SEC23A: variants seen among roughly 807,000 people sequenced by gnomAD.
SEC23A encodes protein transport protein Sec23A.
A neutral mutation model predicts 103.7 loss-of-function variants in SEC23A; 56 were observed. The observed-to-expected ratio is 0.54, with a 90% confidence interval of 0.44 to 0.67. The LOEUF (loss-of-function observed/expected upper bound fraction) is 0.67, where lower values mean the gene tolerates loss of function less well. Ranked by LOEUF, SEC23A falls within the 30% of genes least tolerant of loss-of-function variation. SEC23A has a pLI of 0.00. For missense variants in SEC23A, 784 were observed against 936.4 expected, an observed-to-expected ratio of 0.84 and a Z score of 2.12; for synonymous variants, 281 against 293.0, an observed-to-expected ratio of 0.96 and a Z score of 0.42.
At chr14:39,044,211 C>T (rs945560245) in intron 16 of SEC23A, among the ~76,000 whole-genome samples, 18 of 152,116 alleles carry the variant, frequency 1.2e-4, no homozygotes, top group Non-Finnish European at 2.6e-4. Context: ...TAGGAGCAGG[C>T]ACTAGGGACA....
At chr14:39,036,320 C>CAAAAAAAAA (rs59018206) in intron 19 of SEC23A, among the ~76,000 whole-genome samples, 1 of 69,910 alleles carries the variant, frequency 1.4e-5, no homozygotes, top group Non-Finnish European at 2.6e-5. Flanking sequence ...GACTCCGTCT[C>CAAAAAAAAA]AAAAAAAAAA....
chr14:39,049,018 T>C (rs1885946733), intron 14 of SEC23A, among the ~76,000 whole-genome samples: 1 of 151,920 alleles, frequency 6.6e-6, no homozygotes, highest in South Asian at 2.1e-4. Context: ...AGCTCTTAGA[T>C]AACAACAAAA....
intron 15 of SEC23A, among the ~76,000 whole-genome samples, chr14:39,047,052 T>C (rs920325525): frequency 1.3e-5 from 2 of 152,230 alleles, no homozygotes; most frequent in African/African-American, 2.4e-5. Context: ...AAATGACCAA[T>C]TGGTAAATGT....
chr14:39,076,054 T>C lies in SEC23A; in HGVS notation c.868A>G (p.Ile290Val), dbSNP rs1315632771. The C allele has an allele frequency of 3.7e-6, 6 of 1,613,418 alleles. No homozygotes were observed. Among genetic ancestry groups the C allele is most frequent in the Non-Finnish European group, 4.2e-6 (5 of 1,179,784 alleles). Residue 290 changes from isoleucine (I) to valine (V), a missense_variant, in exon 8 of 20, where the codon ATT becomes GTT. This residue lies in a region of SEC23A where 683 missense variants were observed against 774.2 expected (regional missense o/e 0.88). Transcript: ENST00000307712. ...PNTGARIMMF[I>V]GGPATQGPGM... ...GGCCCCTGAGTAGCAGGACCACCAA[T>C]GAACATCATGATACGAGCACCAGTG... is the stretch of plus-strand genomic sequence containing the variant.
At chr14:39,074,064 T>C (rs1886929807) in intron 9 of SEC23A, among the ~76,000 whole-genome samples, 1 of 152,220 alleles carries the variant, frequency 6.6e-6, no homozygotes, top group Non-Finnish European at 1.5e-5. Flanking sequence ...ATTACGGTGA[T>C]GGCTGTGCAT....
At chr14:39,063,671 A>T (rs1566494299) in intron 11 of SEC23A, among the ~76,000 whole-genome samples, 1 of 152,228 alleles carries the variant, frequency 6.6e-6, no homozygotes, top group Non-Finnish European at 1.5e-5. Context: ...AAAAGTATTA[A>T]TATAAGTTCT....
Position 39,085,919 on chromosome 14 carries a change from AT to A in SEC23A, c.684-14del. On this transcript the variant is annotated splice_polypyrimidine_tract_variant and intron_variant, in intron 6 of 19. Transcript: ENST00000307712. ...TGGTTGTAAGAATCTAAGAAACAGA[AT>A]TAAATAAAAAGCCATTTGTAAATGT... The A allele has an allele frequency of 3.1e-6, 5 of 1,610,032 alleles. No homozygotes were observed. Among genetic ancestry groups the A allele is most frequent in the Middle Eastern group, 3.3e-4 (2 of 6,038 alleles).
intron 10 of SEC23A, 66 bp from the exon 11 acceptor site, chr14:39,065,059 G>A (rs1886612275): frequency 1.0e-6 from 1 of 985,198 alleles, no homozygotes. Flanking sequence ...AACTACAGGT[G>A]TATAAGAATA....
At chr14:39,080,477 G>A (rs547609759) in intron 7 of SEC23A, among the ~76,000 whole-genome samples, 1 of 152,242 alleles carries the variant, frequency 6.6e-6, no homozygotes, top group Non-Finnish European at 1.5e-5. Flanking sequence ...CATGATCTCG[G>A]CTCACTGCAA....
chr14:39,094,387 C>G (rs867010360), intron 2 of SEC23A, among the ~76,000 whole-genome samples: 1 of 53,262 alleles, frequency 1.9e-5, no homozygotes, highest in Non-Finnish European at 3.7e-5. Context: ...CACACACACA[C>G]ACACACACAC....
chr14:39,099,724 A>G (rs1232638492), intron 1 of SEC23A, among the ~76,000 whole-genome samples: 1 of 152,224 alleles, frequency 6.6e-6, no homozygotes, highest in Non-Finnish European at 1.5e-5. Context: ...ACAAAGTACA[A>G]AAAGGTCACT....
chr14:39,033,254 C>G lies in SEC23A; in HGVS notation c.2283G>C (p.Val761=). 6.2e-7 allele frequency: 1 copy of G among 1,611,080 alleles called. No individual in the cohort carries two copies. The highest frequency in any genetic ancestry group is 8.5e-7 in the Non-Finnish European group (1 of 1,177,270). Residue 761 remains valine (V), a synonymous_variant, in exon 20 of 20, where the codon GTG becomes GTC. Coordinates refer to ENST00000307712, the MANE Select transcript of SEC23A (RefSeq NM_006364.4). ...VFMDHLKKLA[V]SSAA ...TATTAGCACTTCAAGCAGCACTGGA[C>G]ACAGCAAGTTTCTTCAAGTGATCCA...
intron 12 of SEC23A, among the ~76,000 whole-genome samples, chr14:39,062,130 G>A (rs1327437195): frequency 6.6e-6 from 1 of 152,038 alleles, no homozygotes; most frequent in African/African-American, 2.4e-5. Flanking sequence ...AAGCCAGAGG[G>A]ACATGAAAGA....
chr14:39,041,971 G>C (rs8003707), intron 17 of SEC23A, among the ~76,000 whole-genome samples: 9,946 of 151,182 alleles, frequency 0.066, 1,076 homozygotes, highest in African/African-American at 0.23. Flanking sequence ...TTTTTTTGTA[G>C]AGACAGGGTC....
intron 13 of SEC23A, among the ~76,000 whole-genome samples, chr14:39,060,414 G>T (rs535546639): frequency 6.6e-6 from 1 of 152,064 alleles, no homozygotes; most frequent in Non-Finnish European, 1.5e-5. Flanking sequence ...AGATTTTCAG[G>T]AATGAAGCTA....
chr14:39,070,139 C>T (rs780880957), intron 9 of SEC23A, among the ~76,000 whole-genome samples: 1 of 152,108 alleles, frequency 6.6e-6, no homozygotes, highest in African/African-American at 2.4e-5. Flanking sequence ...ACGGAAGAGC[C>T]CTGCGCTAGA....
rs1423823811 is a variant in SEC23A, at chr14:39,085,801, G to A, written c.789C>T (p.Ser263=). ...PVPQGKRPLR[S]SGVALSIAVG... is the part of the protein sequence containing the mutation. ...CAGCTATGGAAAGTGCCACCCCAGA[G>A]GAACGCAAAGGTCTCTTTCCCTGTG... is the stretch of plus-strand genomic sequence containing the variant. Residue 263 remains serine (S), a synonymous_variant, in exon 7 of 20, where the codon TCC becomes TCT. Transcript: ENST00000307712. 1 of 1,613,608 alleles carries A rather than the reference G, an allele frequency of 6.2e-7. No individual in the cohort carries two copies. The highest frequency in any genetic ancestry group is 2.2e-5 in the East Asian group (1 of 44,854).
chr14:39,082,444 C>A (rs1005709422), intron 7 of SEC23A, among the ~76,000 whole-genome samples: 2 of 151,934 alleles, frequency 1.3e-5, no homozygotes, highest in African/African-American at 2.4e-5. Flanking sequence ...TTGCTGAGTA[C>A]ACTGGTTATT....
intron 9 of SEC23A, among the ~76,000 whole-genome samples, chr14:39,069,398 C>T (rs1194217165): frequency 6.6e-6 from 1 of 152,194 alleles, no homozygotes; most frequent in Non-Finnish European, 1.5e-5. Context: ...ACCCTCCTCA[C>T]TCACTCCATT....
Sources: allele counts gnomAD v4.1 joint callset (sites outside exome capture counted in the v4.1 genomes callset), GRCh38; gene constraint gnomAD v4.1.1; regional missense constraint gnomAD v4.1.1; transcripts MANE v1.5; gene names NCBI Gene and HGNC (gene_info 2026-07-23, HGNC 2026-07-21).